Variants in SORCS3 observed in about 807,000 individuals in gnomAD.
SORCS3 encodes the protein VPS10 domain-containing receptor SorCS3.
In SORCS3, 57 loss-of-function variants were observed where a neutral mutation model predicts 146.3. The ratio of observed to expected loss-of-function variants is 0.39; its 90% CI spans 0.31 to 0.49. The LOEUF (loss-of-function observed/expected upper bound fraction) is 0.49, where lower values mean the gene tolerates loss of function less well. Among genes scored for constraint, SORCS3 ranks in the 20% least tolerant of loss-of-function variants. The pLI is 0.92. For synonymous variants in SORCS3, 653 were observed against 618.5 expected (o/e 1.06, Z -0.83); for missense variants, 1,341 against 1,575.5 (o/e 0.85, Z 2.52).
intron 1 of SORCS3, among the ~76,000 whole-genome samples, chr10:104,766,244 T>G (rs1488235857): frequency 6.6e-6 from 1 of 152,014 alleles, no homozygotes; most frequent in African/African-American, 2.4e-5. Context: ...CTGACTGCTG[T>G]GGTATTCATG....
At chr10:104,778,149 C>T (rs1024201300) in intron 1 of SORCS3, among the ~76,000 whole-genome samples, 10 of 152,140 alleles carry the variant, frequency 6.6e-5, no homozygotes, top group South Asian at 2.1e-4. Flanking sequence ...GGACAAATGT[C>T]TTAGACGATG....
At chr10:105,017,544 G>A (rs941795586) in intron 4 of SORCS3, among the ~76,000 whole-genome samples, 1 of 152,192 alleles carries the variant, frequency 6.6e-6, no homozygotes, top group African/African-American at 2.4e-5. Context: ...AGGCACTCAT[G>A]GGCTTTATGG....
chr10:105,205,761 G>A (rs561887172), intron 16 of SORCS3, among the ~76,000 whole-genome samples: 13 of 152,300 alleles, frequency 8.5e-5, no homozygotes, highest in African/African-American at 3.1e-4. Context: ...TATGTAAGCA[G>A]ATGTTTTACC....
At chr10:105,053,893 A>T (rs1473959509) in intron 5 of SORCS3, among the ~76,000 whole-genome samples, 2 of 152,076 alleles carry the variant, frequency 1.3e-5, no homozygotes, top group Non-Finnish European at 1.5e-5. Flanking sequence ...TTTTTTTAGG[A>T]TAGACTACCA....
At chr10:105,212,202 C>T (rs1589690833) in intron 17 of SORCS3, among the ~76,000 whole-genome samples, 1 of 152,180 alleles carries the variant, frequency 6.6e-6, no homozygotes, top group Non-Finnish European at 1.5e-5. Flanking sequence ...AAAAGAAGTG[C>T]TGACTGGTCT....
At chr10:104,919,385 A>G (rs1411436279) in intron 3 of SORCS3, among the ~76,000 whole-genome samples, 3 of 152,042 alleles carry the variant, frequency 2.0e-5, no homozygotes, top group Non-Finnish European at 2.9e-5. Context: ...TTTTTAGAAA[A>G]TAGCAATAGA....
At chr10:105,178,023 T>C (rs1330933803) in intron 13 of SORCS3, 43 bp from the exon 14 acceptor site, 1 of 1,465,058 alleles carries the variant, frequency 6.8e-7, no homozygotes, top group African/African-American at 1.4e-5. Flanking sequence ...AGAGTGTGGC[T>C]TTATTTTCAG....
chr10:104,788,432 T>C (rs2017462094), intron 1 of SORCS3, among the ~76,000 whole-genome samples: 2 of 152,146 alleles, frequency 1.3e-5, no homozygotes, highest in Admixed American at 1.3e-4. Flanking sequence ...AAAAATACGG[T>C]GCAGTATATA....
intron 16 of SORCS3, among the ~76,000 whole-genome samples, chr10:105,205,596 C>T (rs866849376): frequency 8.5e-5 from 13 of 152,104 alleles, no homozygotes; most frequent in African/African-American, 1.4e-4. Context: ...TAAAGTCACA[C>T]GAGGGCTCTT....
intron 20 of SORCS3, among the ~76,000 whole-genome samples, chr10:105,227,784 C>T (rs1451325111): frequency 6.6e-6 from 1 of 151,972 alleles, no homozygotes; most frequent in Admixed American, 6.6e-5. Context: ...ATCCCTTTAT[C>T]ATTATATAAT....
chr10:104,959,780 G>A (rs1340324989), intron 3 of SORCS3, among the ~76,000 whole-genome samples: 3 of 152,140 alleles, frequency 2.0e-5, no homozygotes, highest in African/African-American at 7.2e-5. Context: ...TGAGCTGGGG[G>A]TAAAAGCACA....
chr10:104,856,388 A>G (rs1260795889), intron 2 of SORCS3, among the ~76,000 whole-genome samples: 2 of 149,264 alleles, frequency 1.3e-5, no homozygotes, highest in African/African-American at 5.0e-5. Context: ...AAAGCTATAG[A>G]AAGGGAGAGA....
chr10:104,989,028 C>G (rs529172654), intron 4 of SORCS3, among the ~76,000 whole-genome samples: 3 of 152,168 alleles, frequency 2.0e-5, no homozygotes, highest in Non-Finnish European at 4.4e-5. Context: ...AATGCACAAA[C>G]TGAATGAAGT....
At chr10:104,791,844 T>A (rs1219631853) in intron 1 of SORCS3, among the ~76,000 whole-genome samples, 22 of 152,144 alleles carry the variant, frequency 1.4e-4, no homozygotes, top group Admixed American at 1.4e-3. Flanking sequence ...AGCAGATTAG[T>A]TATGAATGAA....
At chr10:104,975,973 G>T (rs2054894841) in intron 3 of SORCS3, among the ~76,000 whole-genome samples, 1 of 152,164 alleles carries the variant, frequency 6.6e-6, no homozygotes, top group Admixed American at 6.5e-5. Flanking sequence ...AGAAAACCTA[G>T]GCATTACCAT....
At chr10:105,117,563 C>T (rs1304949647) in intron 7 of SORCS3, among the ~76,000 whole-genome samples, 2 of 152,110 alleles carry the variant, frequency 1.3e-5, no homozygotes, top group East Asian at 3.9e-4. Flanking sequence ...GACTTTCCAT[C>T]AATATTTAAA....
At chr10:105,111,503 G>C (rs538371879) in intron 7 of SORCS3, among the ~76,000 whole-genome samples, 1 of 152,252 alleles carries the variant, frequency 6.6e-6, no homozygotes, top group East Asian at 1.9e-4. Context: ...TTTCAAGCAA[G>C]GGAATCTTGC....
chr10:105,105,021 G>T (rs192124025), intron 6 of SORCS3, among the ~76,000 whole-genome samples: 1 of 152,182 alleles, frequency 6.6e-6, no homozygotes, highest in African/African-American at 2.4e-5. Flanking sequence ...TCTTTCTCTA[G>T]AAAACATCTA....
At chr10:105,257,033 C>G in intron 25 of SORCS3, 109 bp downstream of exon 25, 1 of 793,352 alleles carries the variant, frequency 1.3e-6, no homozygotes, top group Non-Finnish European at 2.1e-6. Context: ...TTTTAATTCT[C>G]CTTGAACTTC....
Sources: allele counts gnomAD v4.1 joint callset (sites outside exome capture counted in the v4.1 genomes callset), GRCh38; gene constraint gnomAD v4.1.1; transcripts MANE v1.5; gene names NCBI Gene and HGNC (gene_info 2026-07-23, HGNC 2026-07-21).